Variants in APP observed in about 807,000 individuals in gnomAD.
APP encodes amyloid beta precursor protein.
In APP, 31 loss-of-function variants were observed where a neutral mutation model predicts 101.4. That is an observed-to-expected ratio of 0.31 (90% CI 0.23 to 0.41). The LOEUF is 0.41. APP is among the 10% of genes least tolerant of loss of function. The pLI, the probability that APP is intolerant of heterozygous loss-of-function variation, is 1.00. For missense variants in APP, 839 were observed against 1,003.7 expected, an observed-to-expected ratio of 0.84 and a Z score of 2.22; for synonymous variants, 366 against 364.4, an observed-to-expected ratio of 1.00 and a Z score of -0.05.
chr21:25,881,878 G>A, intron 17 of APP, 107 bp from the exon 18 acceptor site: 1 of 1,166,138 alleles, frequency 8.6e-7, no homozygotes, highest in African/African-American at 1.5e-5. Context: ...CTTTTGCCAA[G>A]ATTGCAGAAC....
chr21:26,077,506 T>C (rs186773032), intron 3 of APP, among the ~76,000 whole-genome samples: 4 of 152,286 alleles, frequency 2.6e-5, no homozygotes, highest in African/African-American at 7.2e-5. Flanking sequence ...TTTAAAAAAT[T>C]TGCCTCATTT....
intron 17 of APP, among the ~76,000 whole-genome samples, chr21:25,889,716 C>T (rs2146227420): frequency 6.6e-6 from 1 of 152,242 alleles, no homozygotes; most frequent in African/African-American, 2.4e-5. Flanking sequence ...TGGTATGCCC[C>T]TGTAATCCCA....
intron 2 of APP, among the ~76,000 whole-genome samples, chr21:26,108,653 C>T (rs1393948532): frequency 6.6e-6 from 1 of 152,036 alleles, no homozygotes; most frequent in Non-Finnish European, 1.5e-5. Context: ...TCTGGGAGGC[C>T]GAAGAGGGTG....
Position 26,051,053 on chromosome 21 carries a change from C to G in APP, c.609G>C (p.Glu203Asp), listed in dbSNP as rs1412095491. The part of the protein sequence containing the change: ...SDNVDSADAE[E>D]DDSDVWWGGA... ...CGCCCCACCAGACATCCGAGTCATC[C>G]TCCTCCGCATCAGCAGAATCCACAT... The change falls in exon 5 of 18, where the codon GAG (glutamate) becomes GAC (aspartate). Residue 203 changes from glutamate to aspartate, a missense_variant. Physicochemically the swap from Glu to Asp is conservative, Grantham distance 45 (BLOSUM62 2). Transcript: ENST00000346798. 1 of 1,614,208 alleles carries G rather than the reference C, an allele frequency of 6.2e-7. No individual in the cohort carries two copies. The highest frequency in any genetic ancestry group is 8.5e-7 in the Non-Finnish European group (1 of 1,180,044).
At chr21:26,075,980 G>A (rs994453765) in intron 3 of APP, among the ~76,000 whole-genome samples, 9 of 152,100 alleles carry the variant, frequency 5.9e-5, no homozygotes, top group Middle Eastern at 3.4e-3. Context: ...TGCAATCTCC[G>A]CTTCCCGGTT....
chr21:25,992,011 T>C (rs1246489184), intron 8 of APP, among the ~76,000 whole-genome samples: 1 of 152,228 alleles, frequency 6.6e-6, no homozygotes, highest in Non-Finnish European at 1.5e-5. Context: ...CATGACATCA[T>C]GGTGGCTGGG....
At chr21:26,115,242 A>C (rs1333766112) in intron 1 of APP, among the ~76,000 whole-genome samples, 1 of 152,236 alleles carries the variant, frequency 6.6e-6, no homozygotes, top group Non-Finnish European at 1.5e-5. Flanking sequence ...GTGTGTATAG[A>C]TCTTCTTACA....
intron 13 of APP, among the ~76,000 whole-genome samples, chr21:25,953,978 A>G (rs2041202803): frequency 6.6e-6 from 1 of 152,220 alleles, no homozygotes; most frequent in South Asian, 2.1e-4. Flanking sequence ...ATTTCAGAAT[A>G]TAAGTTTAAT....
rs1260407227 is a variant in APP, at chr21:25,881,425, T to G, written c.*245A>C. The G allele has an allele frequency of 1.8e-6, 1 of 562,890 alleles. No homozygotes were observed. Among genetic ancestry groups the G allele is most frequent in the Non-Finnish European group, 3.2e-6 (1 of 314,788 alleles). 34.9% of individuals were successfully genotyped at this position (562,890 alleles called of 1,614,324 possible). A position where few individuals can be genotyped will look rare whatever the true frequency, so the allele number is the denominator to read the frequency against. On this transcript the variant is annotated 3_prime_UTR_variant, in exon 18 of 18. Coordinates refer to ENST00000346798, the MANE Select transcript of APP (RefSeq NM_000484.4). ...TTTGATACAGCTAAATTCTTTACAG[T>G]ACACAAAACCCATTAATAATGTAGT...
intron 6 of APP, among the ~76,000 whole-genome samples, chr21:26,013,030 G>A (rs1359200135): frequency 2.0e-5 from 3 of 147,678 alleles, no homozygotes; most frequent in Admixed American, 6.7e-5. Context: ...ACAAAAAGGT[G>A]CACCCAGCTG....
chr21:26,168,459 C>T (rs1216894476), intron 1 of APP, among the ~76,000 whole-genome samples: 3 of 152,160 alleles, frequency 2.0e-5, no homozygotes, highest in Admixed American at 6.5e-5. Flanking sequence ...AAGGAGTTAA[C>T]AATAGCTACT....
intron 13 of APP, among the ~76,000 whole-genome samples, chr21:25,954,094 C>A (rs2041207464): frequency 6.6e-6 from 1 of 151,950 alleles, no homozygotes; most frequent in Non-Finnish European, 1.5e-5. Context: ...ATAACAATAA[C>A]CTCAAAGTCA....
intron 2 of APP, among the ~76,000 whole-genome samples, chr21:26,090,849 A>G (rs562870467): frequency 1.4e-3 from 213 of 152,308 alleles, no homozygotes; most frequent in African/African-American, 4.7e-3. Context: ...CTTATCGAAA[A>G]GTTATCAAGG....
intron 3 of APP, among the ~76,000 whole-genome samples, chr21:26,056,324 C>T (rs951854400): frequency 6.6e-6 from 1 of 152,184 alleles, no homozygotes; most frequent in African/African-American, 2.4e-5. Context: ...AGACATGAGC[C>T]ACCACGACCA....
intron 13 of APP, among the ~76,000 whole-genome samples, chr21:25,938,960 A>G (rs1381953723): frequency 6.6e-6 from 1 of 152,180 alleles, no homozygotes; most frequent in Non-Finnish European, 1.5e-5. Flanking sequence ...GAGGGCCCCC[A>G]GTTCTGCTCT....
chr21:26,140,473 G>A lies in APP; in HGVS notation c.58-28327C>T, dbSNP rs1023981619. ...CCTCCGGAACTCTGTCTTGGGTAGA[G>A]TAAATCAATTTCCTTTTGTAGGATT... On this transcript the variant is annotated intron_variant, in intron 1 of 17. Coordinates refer to ENST00000346798, the MANE Select transcript of APP (RefSeq NM_000484.4). The A allele has an allele frequency of 3.7e-6, 3 of 806,958 alleles. No homozygotes were observed. The African/African-American group carries it at 5.2e-5, about 14-fold the overall frequency. The allele number at this position is 806,958 out of a possible 1,614,324, so 50.0% of individuals were successfully genotyped here.
In APP at chr21:25,997,332, C is replaced by T. The variant is rs1233758291; in HGVS notation, c.1090+28G>A. On this transcript the variant is annotated intron_variant, in intron 8 of 17. Transcript: ENST00000346798. ...CCAAGCAGCATCCTCCTCCCCTCTT[C>T]CCTTCCCTCAGGTGAATGACAACGT... The T allele has an allele frequency of 1.9e-6, 3 of 1,607,338 alleles. No homozygotes were observed. In the South Asian group the frequency reaches 3.3e-5, roughly 18 times the overall value.
intron 8 of APP, among the ~76,000 whole-genome samples, chr21:25,990,205 A>G (rs2040276): frequency 0.3 from 45,876 of 152,128 alleles, 7,703 homozygotes; most frequent in African/African-American, 0.45. Context: ...TCAATGCATC[A>G]CATGGACATA....
At chr21:25,930,799 C>T (rs1411618615) in intron 13 of APP, among the ~76,000 whole-genome samples, 1 of 152,196 alleles carries the variant, frequency 6.6e-6, no homozygotes, top group African/African-American at 2.4e-5. Flanking sequence ...CTAGATATAG[C>T]AATGGTTCTT....
Sources: gnomAD v4.1 joint callset for allele counts (sites outside exome capture counted in the v4.1 genomes callset) on GRCh38, gnomAD v4.1.1 for gene constraint, MANE v1.5 for transcripts, NCBI Gene and HGNC (gene_info 2026-07-23, HGNC 2026-07-21) for gene names.